The following ADCY2 variants were observed in gnomAD, a reference collection of about 807,000 sequenced individuals.
ADCY2 encodes the protein adenylate cyclase type 2.
ADCY2 carries 31 observed loss-of-function variants against 125.2 expected under a neutral mutation model. That is an observed-to-expected ratio of 0.25 (90% CI 0.19 to 0.33). The LOEUF is 0.33. Ranked by LOEUF, ADCY2 falls within the 10% of genes least tolerant of loss-of-function variation. The pLI is 1.00. For missense variants in ADCY2, 904 were observed against 1,418.2 expected, an observed-to-expected ratio of 0.64 and a Z score of 5.82; for synonymous variants, 512 against 548.4, an observed-to-expected ratio of 0.93 and a Z score of 0.93.
At chr5:7,676,694 C>T (rs1349425129) in intron 4 of ADCY2, among the ~76,000 whole-genome samples, 2 of 152,192 alleles carry the variant, frequency 1.3e-5, no homozygotes, top group South Asian at 2.1e-4. Flanking sequence ...GTAGAAGCCA[C>T]AGTGTGAGCT....
chr5:7,486,028 A>G (rs1742912660), intron 2 of ADCY2, among the ~76,000 whole-genome samples: 1 of 152,218 alleles, frequency 6.6e-6, no homozygotes, highest in South Asian at 2.1e-4. Flanking sequence ...CTTATAAGGG[A>G]AAGTTCTGAG....
chr5:7,759,369 G>C (rs1743119959), intron 16 of ADCY2, among the ~76,000 whole-genome samples: 1 of 152,198 alleles, frequency 6.6e-6, no homozygotes. Flanking sequence ...AGCCTCCAGA[G>C]CAGCTAGTTC....
intron 2 of ADCY2, among the ~76,000 whole-genome samples, chr5:7,499,663 A>ATATATATATATATGTATATATATGTG (rs1561059014): frequency 5.1e-5 from 6 of 118,268 alleles, no homozygotes; most frequent in Non-Finnish European, 1.2e-4. Flanking sequence ...ATATATATAT[A>ATATATATATATATGTATATATATGTG]TATATATATA....
At chr5:7,408,901 A>C (rs1456864297) in intron 1 of ADCY2, among the ~76,000 whole-genome samples, 1 of 152,206 alleles carries the variant, frequency 6.6e-6, no homozygotes, top group Non-Finnish European at 1.5e-5. Context: ...AGGAATATAA[A>C]TCATTCTATT....
At chr5:7,581,842 GA>G (rs1483101714) in intron 3 of ADCY2, among the ~76,000 whole-genome samples, 3 of 149,238 alleles carry the variant, frequency 2.0e-5, no homozygotes, top group East Asian at 2.0e-4. Flanking sequence ...AAAAGAAAAA[GA>G]AAAAGAAAAG....
At chr5:7,614,728 A>G (rs568830897) in intron 3 of ADCY2, among the ~76,000 whole-genome samples, 3 of 152,284 alleles carry the variant, frequency 2.0e-5, no homozygotes, top group African/African-American at 4.8e-5. Flanking sequence ...AGGGGACTGC[A>G]GGGCAAGAGG....
rs538031566 is a variant in ADCY2, at chr5:7,728,439, C to A, written c.1871+1178C>A. 5.0e-4 allele frequency among the ~76,000 whole-genome samples: 76 copies of A among 152,202 alleles called. 1 individual carries two copies. The highest frequency in any genetic ancestry group is 1.0e-3 in the Non-Finnish European group (70 of 68,044). Reference sequence around the variant, plus strand: ...AAGGGGTTTCCAGTAGACTTCTCCTCTCCCCATGATTGGAGGTGTAATACA... The same window carrying A: ...AAGGGGTTTCCAGTAGACTTCTCCTATCCCCATGATTGGAGGTGTAATACA... On this transcript the variant is annotated intron_variant, in intron 14 of 24. Coordinates refer to ENST00000338316, the MANE Select transcript of ADCY2 (RefSeq NM_020546.3).
chr5:7,737,391 G>T (rs1437135611), intron 14 of ADCY2, among the ~76,000 whole-genome samples: 1 of 152,152 alleles, frequency 6.6e-6, no homozygotes, highest in Non-Finnish European at 1.5e-5. Flanking sequence ...AGAGCTAGAC[G>T]AAGGTAAGGT....
intron 12 of ADCY2, among the ~76,000 whole-genome samples, chr5:7,718,145 A>T (rs1741652961): frequency 3.5e-5 from 4 of 115,418 alleles, no homozygotes; most frequent in Non-Finnish European, 3.4e-5. Context: ...CCTGTTTTAG[A>T]TTTTTTTTTT....
chr5:7,494,933 G>A (rs542701449), intron 2 of ADCY2, among the ~76,000 whole-genome samples: 10 of 152,310 alleles, frequency 6.6e-5, no homozygotes, highest in South Asian at 2.1e-4. Context: ...AGAGAACACC[G>A]GACCAGCTGC....
chr5:7,766,419 C>A (rs1743381391), intron 16 of ADCY2, among the ~76,000 whole-genome samples: 1 of 152,150 alleles, frequency 6.6e-6, no homozygotes, highest in African/African-American at 2.4e-5. Context: ...TAACCACGCC[C>A]TCTGCCCAGA....
At chr5:7,637,862 T>C (rs1738563553) in intron 4 of ADCY2, among the ~76,000 whole-genome samples, 1 of 152,176 alleles carries the variant, frequency 6.6e-6, no homozygotes, top group Non-Finnish European at 1.5e-5. Context: ...ATCCAGAGCA[T>C]GAGAGTTTCA....
intron 2 of ADCY2, among the ~76,000 whole-genome samples, chr5:7,431,979 A>G (rs1740618348): frequency 6.6e-6 from 1 of 151,942 alleles, no homozygotes; most frequent in Non-Finnish European, 1.5e-5. Flanking sequence ...AAAACCACCC[A>G]TGACCACCCC....
At chr5:7,504,698 A>G (rs1033388690) in intron 2 of ADCY2, among the ~76,000 whole-genome samples, 2 of 148,642 alleles carry the variant, frequency 1.3e-5, no homozygotes, top group Non-Finnish European at 3.0e-5. Context: ...TTGCAGAGAC[A>G]GGGTTTAACT....
At chr5:7,640,249 C>T (rs182051874) in intron 4 of ADCY2, among the ~76,000 whole-genome samples, 29 of 152,182 alleles carry the variant, frequency 1.9e-4, no homozygotes, top group African/African-American at 6.0e-4. Context: ...GGAATATTTA[C>T]GAGTGGCTAT....
At chr5:7,686,176 A>G (rs1441573360) in intron 4 of ADCY2, among the ~76,000 whole-genome samples, 2 of 152,208 alleles carry the variant, frequency 1.3e-5, no homozygotes, top group Non-Finnish European at 2.9e-5. Context: ...ATCTTAGCTT[A>G]AAATTTAAGT....
At chr5:7,431,616 T>G (rs1256895007) in intron 2 of ADCY2, among the ~76,000 whole-genome samples, 1 of 151,936 alleles carries the variant, frequency 6.6e-6, no homozygotes, top group Non-Finnish European at 1.5e-5. Context: ...AAGGGCATTG[T>G]TATGAAAATG....
chr5:7,818,947 C>A (rs115446100), intron 23 of ADCY2, among the ~76,000 whole-genome samples: 3,022 of 152,172 alleles, frequency 0.02, 43 homozygotes, highest in Middle Eastern at 0.031. Flanking sequence ...GAAGTATTAA[C>A]TCACACAATC....
intron 14 of ADCY2, among the ~76,000 whole-genome samples, chr5:7,730,173 T>C (rs1476753283): frequency 6.6e-6 from 1 of 152,236 alleles, no homozygotes; most frequent in Non-Finnish European, 1.5e-5. Flanking sequence ...CTTAGAATAA[T>C]GGCTTCCAGC....
Sources: allele counts gnomAD v4.1 joint callset (sites outside exome capture counted in the v4.1 genomes callset), GRCh38; gene constraint gnomAD v4.1.1; transcripts MANE v1.5; gene names NCBI Gene and HGNC (gene_info 2026-07-23, HGNC 2026-07-21).